The following ERAP2 variants were observed in gnomAD, a reference collection of about 807,000 sequenced individuals.
ERAP2 encodes the protein endoplasmic reticulum aminopeptidase 2.
A neutral mutation model predicts 111.1 loss-of-function variants in ERAP2; 118 were observed. That is an observed-to-expected ratio of 1.06 (90% CI 0.92 to 1.24). The LOEUF is 1.24. Among genes scored for constraint, ERAP2 ranks in the 50% most tolerant of loss-of-function variants. ERAP2 has a pLI of 0.00. For synonymous variants in ERAP2, 410 were observed against 401.2 expected (o/e 1.02, Z -0.26); for missense variants, 1,131 against 1,125.8 (o/e 1.00, Z -0.07).
chr5:96,918,623 T>C lies in ERAP2; in HGVS notation c.*1018T>C, dbSNP rs1374817744. ...AGGAAAAGGAATATAATTCATACCA[T>C]TTGGTTTAAGCCTTACATTCATGAA... On this transcript the variant is annotated 3_prime_UTR_variant, in exon 19 of 19. Transcript: ENST00000437043. 6.6e-6 allele frequency: 1 copy of C among 152,212 alleles called. No homozygotes were observed. The highest frequency in any genetic ancestry group is 1.9e-4 in the East Asian group (1 of 5,198). The allele number at this position is 152,212 out of a possible 1,614,324, so 9.4% of individuals were successfully genotyped here.
At chr5:96,912,188 C>CAA (rs1266993157) in intron 15 of ERAP2, among the ~76,000 whole-genome samples, 158 of 84,212 alleles carry the variant, frequency 1.9e-3, no homozygotes, top group African/African-American at 6.5e-3. Context: ...GACTCCACCT[C>CAA]AAAAAAAAAA....
chr5:96,888,059 A>C (rs564431856), intron 4 of ERAP2, among the ~76,000 whole-genome samples: 1 of 151,714 alleles, frequency 6.6e-6, no homozygotes, highest in South Asian at 2.1e-4. Context: ...CGGGAGGCGG[A>C]TGTTGCAGTG....
chr5:96,904,739 G>T (rs1785859147), intron 13 of ERAP2, among the ~76,000 whole-genome samples: 1 of 152,170 alleles, frequency 6.6e-6, no homozygotes, highest in South Asian at 2.1e-4. Context: ...TGACAATTCA[G>T]CAAATTAATC....
rs1469831635 is a variant in ERAP2, at chr5:96,909,755, G to A, written c.2345G>A (p.Gly782Glu). Residue 782 changes from glycine to glutamate, a missense_variant, in exon 15 of 19, where the codon GGA becomes GAA. Physicochemically the swap from Gly to Glu is moderately conservative, Grantham distance 98. Around this residue, in one of 3 missense-constraint regions of ERAP2, gnomAD observed 279 missense variants for 250.9 expected, o/e 1.11. Coordinates refer to ENST00000437043, the MANE Select transcript of ERAP2 (RefSeq NM_022350.5). ...TTCTCCCAGTGGATGGAATCCAGTG[G>A]AAAATTAAAGTAGATGTAGACTTCT... is the stretch of plus-strand genomic sequence containing the variant. ...ELFSQWMESS[G>E]KLNIPTDVLK... 7.4e-6 allele frequency: 12 copies of A among 1,613,756 alleles called. No individual in the cohort carries two copies. Among genetic ancestry groups the A allele is most frequent in the South Asian group, 3.3e-5 (3 of 91,058 alleles).
At chr5:96,876,948 CTGTT>C (rs1019178351) in intron 1 of ERAP2, among the ~76,000 whole-genome samples, 1 of 152,024 alleles carries the variant, frequency 6.6e-6, no homozygotes, top group African/African-American at 2.4e-5. Flanking sequence ...GTTCCTTCAT[CTGTT>C]TATTTAATTT....
At position 96,888,265 on chromosome 5, in the gene ERAP2, A is replaced by C. The variant is rs1279048648; in HGVS notation, c.850-920A>C. Among the ~76,000 whole-genome samples, 3 of 152,214 alleles carry C rather than the reference A, an allele frequency of 2.0e-5. No individual in the cohort carries two copies. The East Asian group carries it at 5.8e-4, about 29-fold the overall frequency. On this transcript the variant is annotated intron_variant, in intron 4 of 18. Transcript: ENST00000437043. The stretch of plus-strand genomic sequence containing the variant: ...GTGTAGCACACATACACATCATGGC[A>C]CCTCTGCACTTAGACATGGATGTCT...
At chr5:96,907,966 G>GA (rs1786284502) in intron 13 of ERAP2, among the ~76,000 whole-genome samples, 4 of 151,830 alleles carry the variant, frequency 2.6e-5, no homozygotes, top group African/African-American at 7.3e-5. Flanking sequence ...TGAAATTTTT[G>GA]AAAAAAATTT....
At chr5:96,907,204 A>G (rs1561392683) in intron 13 of ERAP2, among the ~76,000 whole-genome samples, 1 of 152,240 alleles carries the variant, frequency 6.6e-6, no homozygotes, top group African/African-American at 2.4e-5. Flanking sequence ...CTAAACAAAC[A>G]TTCAGATAAC....
chr5:96,898,517 A>C (rs1166783991), intron 9 of ERAP2, among the ~76,000 whole-genome samples: 1 of 148,112 alleles, frequency 6.8e-6, no homozygotes, highest in Non-Finnish European at 1.5e-5. Flanking sequence ...CGAGGTGGGC[A>C]AATTGCCTGA....
chr5:96,889,334 C>T (rs1362519586), intron 5 of ERAP2, 29 bp downstream of exon 5: 1 of 1,613,004 alleles, frequency 6.2e-7, no homozygotes, highest in Non-Finnish European at 8.5e-7. Flanking sequence ...TTATTGTCTT[C>T]ATTTTTGCTC....
At chr5:96,876,712 T>A (rs1782566904) in intron 1 of ERAP2, among the ~76,000 whole-genome samples, 185 bp downstream of exon 1, 1 of 152,176 alleles carries the variant, frequency 6.6e-6, no homozygotes. Context: ...TGGGACTTGA[T>A]CTAAGACGCT....
At chr5:96,883,326 C>A (rs1322670739) in intron 2 of ERAP2, among the ~76,000 whole-genome samples, 1 of 152,180 alleles carries the variant, frequency 6.6e-6, no homozygotes, top group Non-Finnish European at 1.5e-5. Context: ...CTCAATAAGT[C>A]AGGATCTGCT....
At chr5:96,895,586 G>T (rs879341624) in intron 7 of ERAP2, among the ~76,000 whole-genome samples, 7 of 152,168 alleles carry the variant, frequency 4.6e-5, no homozygotes, top group Admixed American at 4.6e-4. Context: ...AAGAGAGAAG[G>T]CAAACTAATA....
At chr5:96,904,133 G>A (rs2549787) in intron 13 of ERAP2, among the ~76,000 whole-genome samples, 75,593 of 152,022 alleles carry the variant, frequency 0.5, 19,010 homozygotes, top group Middle Eastern at 0.57. Context: ...GGAGAAATTA[G>A]TATGACGTTT....
At chr5:96,887,096 T>C (rs79727636) in intron 4 of ERAP2, among the ~76,000 whole-genome samples, 74,300 of 140,222 alleles carry the variant, frequency 0.53, 19,357 homozygotes, top group Middle Eastern at 0.63. Flanking sequence ...TATATATATA[T>C]ATATACACAC....
chr5:96,909,207 G>C, intron 14 of ERAP2, 90 bp downstream of exon 14: 2 of 1,292,688 alleles, frequency 1.5e-6, no homozygotes, highest in Admixed American at 3.7e-5. Flanking sequence ...AAGTCCTTGA[G>C]GTTAAATCTG....
chr5:96,913,606 C>T, intron 17 of ERAP2, 149 bp downstream of exon 17: 1 of 869,802 alleles, frequency 1.1e-6, no homozygotes, highest in Non-Finnish European at 1.8e-6. Flanking sequence ...AACTCCCTAG[C>T]CCAAATTATC....
intron 17 of ERAP2, among the ~76,000 whole-genome samples, chr5:96,914,886 T>C (rs1326876853): frequency 6.6e-6 from 1 of 152,186 alleles, no homozygotes; most frequent in Non-Finnish European, 1.5e-5. Context: ...TTTTAAATTT[T>C]ATATTGTTAT....
intron 1 of ERAP2, among the ~76,000 whole-genome samples, chr5:96,878,705 A>G (rs988713517): frequency 1.3e-5 from 2 of 152,168 alleles, no homozygotes; most frequent in African/African-American, 2.4e-5. Context: ...AGGCAAGTGG[A>G]TCACCTGAGG....
Sources: allele counts gnomAD v4.1 joint callset (sites outside exome capture counted in the v4.1 genomes callset), GRCh38; gene constraint gnomAD v4.1.1; regional missense constraint gnomAD v4.1.1; transcripts MANE v1.5; gene names NCBI Gene and HGNC (gene_info 2026-07-23, HGNC 2026-07-21).